The following CNTNAP2 variants were observed in gnomAD, a reference collection of about 807,000 sequenced individuals.
CNTNAP2 encodes the protein contactin associated protein 2.
CNTNAP2 carries 98 observed loss-of-function variants against 155.2 expected under a neutral mutation model. The observed-to-expected ratio is 0.63, with a 90% confidence interval of 0.54 to 0.75. The LOEUF is 0.75. CNTNAP2 is among the 30% of genes least tolerant of loss of function. The pLI, the probability that CNTNAP2 is intolerant of heterozygous loss-of-function variation, is 0.00. For synonymous variants in CNTNAP2, 651 were observed against 631.2 expected (o/e 1.03, Z -0.47); for missense variants, 1,727 against 1,688.1 (o/e 1.02, Z -0.40).
chr7:148,266,961 C>G (rs1796682065), intron 20 of CNTNAP2, 72 bp from the exon 21 acceptor site: 2 of 1,382,046 alleles, frequency 1.4e-6, no homozygotes, highest in Admixed American at 1.7e-5. Context: ...GATGTCATCC[C>G]CACAGGGAAG....
At chr7:147,986,873 T>TTGTGTG (rs71686634) in intron 15 of CNTNAP2, among the ~76,000 whole-genome samples, 5 of 147,446 alleles carry the variant, frequency 3.4e-5, no homozygotes, top group East Asian at 2.0e-4. Context: ...TGTTTTTTGT[T>TTGTGTG]TGTGTGTGTG....
intron 3 of CNTNAP2, among the ~76,000 whole-genome samples, chr7:146,880,677 A>G (rs556771274): frequency 9.9e-5 from 15 of 152,210 alleles, no homozygotes; most frequent in African/African-American, 3.4e-4. Flanking sequence ...TTTGATGACA[A>G]TTAGGTGTGC....
intron 1 of CNTNAP2, among the ~76,000 whole-genome samples, chr7:146,672,951 C>T (rs938066597): frequency 1.3e-5 from 2 of 152,006 alleles, no homozygotes; most frequent in African/African-American, 4.8e-5. Flanking sequence ...ATGTAATTTT[C>T]CACTTAAAAC....
intron 1 of CNTNAP2, among the ~76,000 whole-genome samples, chr7:146,297,971 C>T (rs1177151461): frequency 1.3e-5 from 2 of 152,042 alleles, no homozygotes; most frequent in Non-Finnish European, 2.9e-5. Context: ...TGAAGAAATA[C>T]TCTGGTAAGT....
chr7:148,047,982 G>A (rs1214726743), intron 15 of CNTNAP2, among the ~76,000 whole-genome samples: 2 of 151,660 alleles, frequency 1.3e-5, no homozygotes, highest in African/African-American at 4.8e-5. Flanking sequence ...GGAGTGCAGT[G>A]GCACCATCTC....
intron 9 of CNTNAP2, among the ~76,000 whole-genome samples, chr7:147,319,991 C>A (rs546963765): frequency 2.3e-4 from 35 of 152,168 alleles, no homozygotes; most frequent in Non-Finnish European, 4.7e-4. Context: ...AGAGAAACAG[C>A]CATAGGCAAT....
At position 147,197,757 on chromosome 7, in the gene CNTNAP2, A is replaced by C. The variant is rs539068249; in HGVS notation, c.1348+65248A>C. Among the ~76,000 whole-genome samples, 29 of 152,380 alleles carry C rather than the reference A, an allele frequency of 1.9e-4. No homozygotes were observed. In the East Asian group the frequency reaches 4.2e-3, roughly 22 times the overall value. On this transcript the variant is annotated intron_variant, in intron 8 of 23. Transcript: ENST00000361727. Reference sequence around the variant, plus strand: ...CTTATAAACAATGTCTAAGGATATTAAAACATTTTCTTCAATAGCTTTATA... The same window carrying C: ...CTTATAAACAATGTCTAAGGATATTCAAACATTTTCTTCAATAGCTTTATA...
At chr7:146,473,782 A>T (rs1796834188) in intron 1 of CNTNAP2, among the ~76,000 whole-genome samples, 1 of 152,186 alleles carries the variant, frequency 6.6e-6, no homozygotes, top group South Asian at 2.1e-4. Context: ...TCAATTCAGT[A>T]ATCCACAATG....
At chr7:148,361,794 T>C (rs543605778) in intron 21 of CNTNAP2, among the ~76,000 whole-genome samples, 4 of 152,300 alleles carry the variant, frequency 2.6e-5, no homozygotes, top group African/African-American at 9.6e-5. Context: ...TCTGCATGGC[T>C]GGGGAGTCCT....
At chr7:148,348,704 A>G (rs1798367451) in intron 21 of CNTNAP2, among the ~76,000 whole-genome samples, 1 of 152,198 alleles carries the variant, frequency 6.6e-6, no homozygotes, top group African/African-American at 2.4e-5. Flanking sequence ...TCTGTCTTTC[A>G]TACCCCAGCC....
intron 12 of CNTNAP2, among the ~76,000 whole-genome samples, chr7:147,565,104 T>A (rs1800143498): frequency 6.6e-6 from 1 of 152,174 alleles, no homozygotes; most frequent in Non-Finnish European, 1.5e-5. Flanking sequence ...TCTTGATATG[T>A]AACTCTATGT....
rs60131482 is a variant in CNTNAP2, at chr7:147,796,582, T to TA, written c.2099-106971dup. ...AGCAGGAAGCTGGTCCAGGATTTAT[T>TA]AAAAAAAAAAAACATAAAACATGTT... is the stretch of plus-strand genomic sequence containing the variant. On this transcript the variant is annotated intron_variant, in intron 13 of 23. Transcript: ENST00000361727. Among the ~76,000 whole-genome samples the TA allele has an allele frequency of 1.4e-3, 144 of 102,854 alleles. 1 individual carries two copies. In the South Asian group the frequency reaches 0.017, roughly 12 times the overall value. 67.5% of individuals were successfully genotyped at this position (102,854 alleles called of 152,430 possible).
At chr7:148,032,009 C>T (rs563798220) in intron 15 of CNTNAP2, among the ~76,000 whole-genome samples, 1 of 152,294 alleles carries the variant, frequency 6.6e-6, no homozygotes, top group African/African-American at 2.4e-5. Flanking sequence ...GTCGACAAAT[C>T]GCCTCCCATC....
At chr7:147,754,529 G>A (rs557826819) in intron 13 of CNTNAP2, among the ~76,000 whole-genome samples, 31 of 152,258 alleles carry the variant, frequency 2.0e-4, no homozygotes, top group African/African-American at 7.2e-4. Context: ...CAAGGGATAT[G>A]TAAAAACTAA....
At chr7:147,531,482 A>C (rs1307029009) in intron 11 of CNTNAP2, among the ~76,000 whole-genome samples, 1 of 152,224 alleles carries the variant, frequency 6.6e-6, no homozygotes, top group Non-Finnish European at 1.5e-5. Flanking sequence ...ACCACATGGA[A>C]TCTACCAAGG....
Position 147,173,595 on chromosome 7 carries a change from G to A in CNTNAP2, c.1348+41086G>A, listed in dbSNP as rs147410252. On this transcript the variant is annotated intron_variant, in intron 8 of 23. Transcript: ENST00000361727. ...AAAGGAAAAACATTTTGTGTATTTC[G>A]TCTACTGACCCCCACTTCAGAAATG... Among the ~76,000 whole-genome samples, 295 of 152,232 alleles carry A rather than the reference G, an allele frequency of 1.9e-3. 2 individuals carry two copies. Among genetic ancestry groups the A allele is most frequent in the Middle Eastern group, 0.01 (3 of 294 alleles).
intron 13 of CNTNAP2, among the ~76,000 whole-genome samples, chr7:147,745,726 C>T (rs538719213): frequency 5.9e-5 from 9 of 152,142 alleles, no homozygotes; most frequent in Non-Finnish European, 8.8e-5. Context: ...CTCTACTAGT[C>T]GAACTAAAAC....
chr7:148,416,537 T>C lies in CNTNAP2; in HGVS notation c.*921T>C, dbSNP rs141921962. ...TGTTTGCTCTTTTTCTTTTATAGTT[T>C]AGTTATAGCAAAAATATGGATAATT... On this transcript the variant is annotated 3_prime_UTR_variant, in exon 24 of 24. Coordinates refer to ENST00000361727, the MANE Select transcript of CNTNAP2 (RefSeq NM_014141.6). 2 of 878 alleles carry C rather than the reference T, an allele frequency of 2.3e-3. No homozygotes were observed. The highest frequency in any genetic ancestry group is 8.0e-3 in the Non-Finnish European group (2 of 250). 0.1% of individuals were successfully genotyped at this position (878 alleles called of 1,614,324 possible).
intron 14 of CNTNAP2, among the ~76,000 whole-genome samples, chr7:147,964,485 G>A (rs1279452987): frequency 6.6e-6 from 1 of 152,076 alleles, no homozygotes; most frequent in East Asian, 1.9e-4. Context: ...AGACTGCCCT[G>A]CAAAAGCACG....
Sources: gnomAD v4.1 joint callset for allele counts (sites outside exome capture counted in the v4.1 genomes callset) on GRCh38, gnomAD v4.1.1 for gene constraint, MANE v1.5 for transcripts, NCBI Gene and HGNC (gene_info 2026-07-23, HGNC 2026-07-21) for gene names.